GRAP2: variants seen among roughly 807,000 people sequenced by gnomAD.
GRAP2 encodes the protein GRB2-related adapter protein 2.
Under a neutral mutation model 43.5 loss-of-function variants are expected in GRAP2, and 31 were observed. That is an observed-to-expected ratio of 0.71 (90% CI 0.54 to 0.96). The LOEUF (loss-of-function observed/expected upper bound fraction) is 0.96, where lower values mean the gene tolerates loss of function less well. GRAP2 is among the 40% of genes least tolerant of loss of function. The pLI is 0.00. For missense variants in GRAP2, 371 were observed against 424.4 expected, an observed-to-expected ratio of 0.87 and a Z score of 1.11; for synonymous variants, 156 against 164.8, an observed-to-expected ratio of 0.95 and a Z score of 0.41.
chr22:39,968,905 C>T (rs531530126), intron 6 of GRAP2, among the ~76,000 whole-genome samples: 1 of 152,302 alleles, frequency 6.6e-6, no homozygotes, highest in Admixed American at 6.5e-5. Context: ...ATTGCGTTTC[C>T]TCTCATGCCT....
intron 2 of GRAP2, among the ~76,000 whole-genome samples, chr22:39,948,789 C>G (rs1047383963): frequency 6.6e-6 from 1 of 152,166 alleles, no homozygotes; most frequent in Non-Finnish European, 1.5e-5. Flanking sequence ...TGGCCCTCTC[C>G]TGGAAGCCCC....
At chr22:39,905,980 G>T (rs575427328) in intron 1 of GRAP2, among the ~76,000 whole-genome samples, 1 of 152,272 alleles carries the variant, frequency 6.6e-6, no homozygotes, top group South Asian at 2.1e-4. Flanking sequence ...ACTAAGCCCA[G>T]ATAAGTACTC....
intron 1 of GRAP2, among the ~76,000 whole-genome samples, chr22:39,928,808 A>G (rs1300403044): frequency 2.0e-5 from 3 of 152,204 alleles, no homozygotes; most frequent in African/African-American, 7.2e-5. Context: ...CTCATTATAG[A>G]TGCTGATGGG....
In GRAP2 at chr22:39,938,048, C is replaced by T. The variant is rs573986234; in HGVS notation, c.-14-9045C>T. ...TTAAAGAAGAGCAAGGTAATAAATA[C>T]GCATAAGAAGAAGGAAGTGGCTGGC... On this transcript the variant is annotated intron_variant, in intron 1 of 7. Transcript: ENST00000344138. 5.9e-5 allele frequency among the ~76,000 whole-genome samples: 9 copies of T among 151,948 alleles called. No individual in the cohort carries two copies. The East Asian group carries it at 1.2e-3, about 20-fold the overall frequency.
chr22:39,926,848 A>T, intron 1 of GRAP2: 1 of 984,550 alleles, frequency 1.0e-6, no homozygotes, highest in Non-Finnish European at 1.2e-6. Context: ...TGGCTGACAT[A>T]ATCAAGTAAG....
intron 7 of GRAP2, among the ~76,000 whole-genome samples, chr22:39,969,875 T>C (rs1015756167): frequency 2.0e-5 from 3 of 151,988 alleles, no homozygotes; most frequent in Non-Finnish European, 4.4e-5. Flanking sequence ...GATTGCGCCA[T>C]TTTACTCCAT....
At chr22:39,933,671 T>G (rs915049486) in intron 1 of GRAP2, among the ~76,000 whole-genome samples, 1 of 151,820 alleles carries the variant, frequency 6.6e-6, no homozygotes, top group African/African-American at 2.4e-5. Flanking sequence ...TGAAACTCCA[T>G]CTCTAGTAAA....
chr22:39,917,357 G>T (rs1225196935), intron 1 of GRAP2, among the ~76,000 whole-genome samples: 1 of 152,068 alleles, frequency 6.6e-6, no homozygotes, highest in African/African-American at 2.4e-5. Flanking sequence ...TGAAATTCCA[G>T]CCAATTTCAC....
Position 39,947,150 on chromosome 22 carries a change from A to G in GRAP2, c.44A>G (p.Asp15Gly). Residue 15 changes from aspartate to glycine, a missense_variant, in exon 2 of 8, where the codon GAT becomes GGT. By Grantham distance (94) the Asp-to-Gly change is moderately conservative (BLOSUM62 -1). Transcript: ENST00000344138. ...TTTGATTTCACTGCTTCAGGTGAGG[A>G]TGAACTGAGCTTTCACACTGGAGAT... ...AKFDFTASGE[D>G]ELSFHTGDVL... 1 of 1,605,126 alleles carries G rather than the reference A, an allele frequency of 6.2e-7. No homozygotes were observed. The highest frequency in any genetic ancestry group is 8.5e-7 in the Non-Finnish European group (1 of 1,171,800).
At chr22:39,924,303 G>A (rs908013048) in intron 1 of GRAP2, among the ~76,000 whole-genome samples, 6 of 152,108 alleles carry the variant, frequency 3.9e-5, no homozygotes, top group Non-Finnish European at 8.8e-5. Context: ...TCCAAGATTC[G>A]CTTTTTTTCC....
Position 39,930,065 on chromosome 22 carries a change from A to G in GRAP2, c.-14-17028A>G, listed in dbSNP as rs573671766. ...ATGCAAAGTATCTCAATAATATTTT[A>G]TATTGATTTCAAATTGAAATGATAA... On this transcript the variant is annotated intron_variant, in intron 1 of 7. Transcript: ENST00000344138. 3.9e-5 allele frequency among the ~76,000 whole-genome samples: 6 copies of G among 152,364 alleles called. No homozygotes were observed. In the South Asian group the frequency reaches 1.2e-3, roughly 32 times the overall value.
intron 2 of GRAP2, among the ~76,000 whole-genome samples, chr22:39,950,906 G>A (rs1483025394): frequency 6.6e-6 from 1 of 152,190 alleles, no homozygotes; most frequent in East Asian, 1.9e-4. Flanking sequence ...TACTTTCAAA[G>A]CCAGCTCCTG....
chr22:39,951,047 T>C (rs772267036), intron 2 of GRAP2, among the ~76,000 whole-genome samples: 1 of 152,238 alleles, frequency 6.6e-6, no homozygotes, highest in Non-Finnish European at 1.5e-5. Context: ...GACCATCAGT[T>C]TCCTGGGGCA....
rs181633314 is a variant in GRAP2 at position 39,944,432 on chromosome 22, C to A, written c.-14-2661C>A. On this transcript the variant is annotated intron_variant, in intron 1 of 7. Transcript: ENST00000344138. ...GGTTTAAACAAAAAGAGAACATACC[C>A]CACCCCACCCTGAACAAACAGCAGC... 1.2e-4 allele frequency among the ~76,000 whole-genome samples: 19 copies of A among 152,168 alleles called. No individual in the cohort carries two copies. The East Asian group carries it at 3.3e-3, about 26-fold the overall frequency.
intron 2 of GRAP2, among the ~76,000 whole-genome samples, chr22:39,949,454 T>C (rs1474425377): frequency 1.1e-4 from 16 of 152,238 alleles, no homozygotes. Context: ...AGCTAGCATG[T>C]GACCAATCCA....
chr22:39,965,155 C>T (rs917081527), intron 4 of GRAP2, among the ~76,000 whole-genome samples: 3 of 152,314 alleles, frequency 2.0e-5, no homozygotes, highest in Non-Finnish European at 2.9e-5. Context: ...TTTGGGAGGC[C>T]AAGGCAGGTG....
intron 1 of GRAP2, among the ~76,000 whole-genome samples, chr22:39,937,538 C>T: frequency 6.6e-6 from 1 of 152,170 alleles, no homozygotes; most frequent in East Asian, 1.9e-4. Flanking sequence ...GCTTGGTGGC[C>T]TTACACTTTG....
At position 39,973,121 on chromosome 22, in the gene GRAP2, T is replaced by C. The variant is rs925397137; in HGVS notation, c.*2037T>C. The C allele has an allele frequency of 1.2e-4, 18 of 152,380 alleles. No individual in the cohort carries two copies. Among genetic ancestry groups the C allele is most frequent in the African/African-American group, 4.3e-4 (18 of 41,442 alleles). 9.4% of individuals were successfully genotyped at this position (152,380 alleles called of 1,614,324 possible). ...CCTCAGCTATTTTGGTGCTAGGTAATGTGAAATGCTGCAGTAAATAAAAGC... is the reference window on the plus strand; with the variant it reads ...CCTCAGCTATTTTGGTGCTAGGTAACGTGAAATGCTGCAGTAAATAAAAGC... On this transcript the variant is annotated 3_prime_UTR_variant, in exon 8 of 8. Transcript: ENST00000344138.
At chr22:39,969,901 C>T (rs543508291) in intron 7 of GRAP2, among the ~76,000 whole-genome samples, 50 of 152,104 alleles carry the variant, frequency 3.3e-4, no homozygotes, top group African/African-American at 1.1e-3. Flanking sequence ...GCAACAAGAG[C>T]GAAACTCCGT....
Sources: gnomAD v4.1 joint callset for allele counts (sites outside exome capture counted in the v4.1 genomes callset) on GRCh38, gnomAD v4.1.1 for gene constraint, MANE v1.5 for transcripts, NCBI Gene and HGNC (gene_info 2026-07-23, HGNC 2026-07-21) for gene names.